STARD8: variants seen among roughly 807,000 people sequenced by gnomAD.
The protein encoded by STARD8 is stAR-related lipid transfer protein 8.
STARD8 carries 25 observed loss-of-function variants against 69.4 expected under a neutral mutation model. That is an observed-to-expected ratio of 0.36 (90% CI 0.26 to 0.50). STARD8 has a LOEUF of 0.50. Among genes scored for constraint, STARD8 ranks in the 20% least tolerant of loss-of-function variants. The pLI is 0.96. For synonymous variants in STARD8, 389 were observed against 374.6 expected (o/e 1.04, Z -0.45); for missense variants, 921 against 932.5 (o/e 0.99, Z 0.16).
rs150759274 is a variant in STARD8 at position 68,691,058 on chromosome X, C to T, written c.80-21856C>T. On this transcript the variant is annotated intron_variant, in intron 2 of 14. Coordinates refer to ENST00000374599, the MANE Select transcript of STARD8 (RefSeq NM_001142503.3). ...ATTATACTCCCTCTTGTGGGGCTTA[C>T]GTGGTCTGTGGGCATGGTAGAATGA... is the stretch of plus-strand genomic sequence containing the variant. 6.3e-3 allele frequency among the ~76,000 whole-genome samples: 703 copies of T among 111,592 alleles called. 4 individuals are homozygous for T. Among genetic ancestry groups the T allele is most frequent in the African/African-American group, 0.022 (678 of 30,631 alleles).
At position 68,693,678 on chromosome X, in the gene STARD8, C is replaced by T. The variant is rs1249730063; in HGVS notation, c.80-19236C>T. ...CGGGTTGACAACGGCTAAGCAGCCG[C>T]GGCAGCTGCTCTTCTGGCTGGCACC... On this transcript the variant is annotated intron_variant, in intron 2 of 14. Transcript: ENST00000374599. The T allele has an allele frequency of 1.1e-5, 8 of 753,756 alleles. No homozygotes were observed. In the Admixed American group the frequency reaches 4.3e-4, roughly 41 times the overall value. 62.1% of individuals were successfully genotyped at this position (753,756 alleles called of 1,213,427 possible).
chrX:68,687,886 G>A (rs2079845019), intron 2 of STARD8, among the ~76,000 whole-genome samples: 2 of 112,342 alleles, frequency 1.8e-5, no homozygotes, highest in African/African-American at 3.2e-5. Flanking sequence ...TGGGATGGGC[G>A]TTCTCTGTCA....
chrX:68,653,529 C>T (rs2147870759), intron 1 of STARD8, among the ~76,000 whole-genome samples: 2 of 58,538 alleles, frequency 3.4e-5, no homozygotes, highest in Non-Finnish European at 6.6e-5. Flanking sequence ...ACACCACACA[C>T]ACCACAGCAC....
At chrX:68,672,829 A>G (rs1052373191) in intron 2 of STARD8, among the ~76,000 whole-genome samples, 21 of 111,217 alleles carry the variant, frequency 1.9e-4, no homozygotes, top group Non-Finnish European at 3.4e-4. Flanking sequence ...AAACAGGAAG[A>G]GTTAGTTTGG....
chrX:68,720,339 C>T lies in STARD8; in HGVS notation c.1965C>T (p.Leu655=). The T allele has an allele frequency of 8.3e-7, 1 of 1,205,949 alleles. No homozygotes were observed. The highest frequency in any genetic ancestry group is 1.8e-5 in the South Asian group (1 of 55,781). The change falls in exon 8 of 15, where the codon CTC becomes CTT. Residue 655 remains leucine, a synonymous_variant. Coordinates refer to ENST00000374599, the MANE Select transcript of STARD8 (RefSeq NM_001142503.3). ...AGCACGTATTTGGGGTGCCACCCCT[C>T]ATCCACGTGCAGCGCACGGGCCAGC... The part of the protein sequence containing the change: ...RGQHVFGVPP[L]IHVQRTGQPL...
At chrX:68,647,955 C>T in intron 1 of STARD8, 28 bp downstream of exon 1, 3 of 1,190,271 alleles carry the variant, frequency 2.5e-6, no homozygotes, top group Non-Finnish European at 2.3e-6. Flanking sequence ...CCCAGCCCAT[C>T]CCGCTGCTCA....
rs2079716750 is a variant in STARD8, at chrX:68,669,741, A to G, written c.79+4209A>G. On this transcript the variant is annotated intron_variant, in intron 2 of 14. Transcript: ENST00000374599. ...ATCAGACTCATCCATCAGCTGCCCC[A>G]GACCCCTCCCCCAAGCTCTGAGGGG... 2.7e-5 allele frequency among the ~76,000 whole-genome samples: 3 copies of G among 112,338 alleles called. No individual in the cohort carries two copies. In the South Asian group the frequency reaches 1.1e-3, roughly 41 times the overall value.
Position 68,722,580 on chromosome X carries a change from T to C in STARD8, c.2733T>C (p.Ala911=). ...ATATCCAGGACCTGCTGCGTGATGC[T>C]GCTGAGCGCTTCAAGGGCTGGATGA... ...EENIQDLLRD[A]AERFKGWMSV... is the part of the protein sequence containing the mutation. The change falls in exon 12 of 15, where the codon GCT becomes GCC. Residue 911 remains alanine (A), a synonymous_variant. Coordinates refer to ENST00000374599, the MANE Select transcript of STARD8 (RefSeq NM_001142503.3). 8.3e-7 allele frequency: 1 copy of C among 1,212,055 alleles called. No homozygotes were observed.
chrX:68,724,059 C>T lies in STARD8; in HGVS notation c.3132C>T (p.Tyr1044=). ...GVRALMLTSQ[Y]LMEPCGLGRS... ...GAGCCCTCATGCTCACATCCCAGTA[C>T]CTCATGGAGCCTTGCGGCTTGGGCC... Residue 1044 remains tyrosine, a synonymous_variant, in exon 14 of 15, where the codon TAC becomes TAT. Coordinates refer to ENST00000374599, the MANE Select transcript of STARD8 (RefSeq NM_001142503.3). 8.3e-7 allele frequency: 1 copy of T among 1,212,064 alleles called. No homozygotes were observed.
chrX:68,692,228 G>A (rs1452241790), intron 2 of STARD8, among the ~76,000 whole-genome samples: 1 of 111,878 alleles, frequency 8.9e-6, no homozygotes, highest in African/African-American at 3.3e-5. Context: ...AGACCCACAG[G>A]GACTTGGCGC....
chrX:68,664,450 G>A (rs938625959), intron 1 of STARD8, among the ~76,000 whole-genome samples: 1 of 112,017 alleles, frequency 8.9e-6, no homozygotes, highest in African/African-American at 3.2e-5. Flanking sequence ...GCTGCCTACT[G>A]TAATTTGAAT....
At chrX:68,669,693 C>T (rs2079716393) in intron 2 of STARD8, among the ~76,000 whole-genome samples, 1 of 112,456 alleles carries the variant, frequency 8.9e-6, no homozygotes, top group African/African-American at 3.2e-5. Flanking sequence ...TGGCTCCAGT[C>T]TGGCTGCAGG....
At chrX:68,685,275 CAGAG>C (rs941884053) in intron 2 of STARD8, among the ~76,000 whole-genome samples, 1 of 111,772 alleles carries the variant, frequency 8.9e-6, no homozygotes, top group African/African-American at 3.3e-5. Context: ...AACTGAGTCT[CAGAG>C]AGGAGAAATC....
intron 7 of STARD8, 149 bp downstream of exon 7, chrX:68,719,547 T>G: frequency 1.6e-6 from 1 of 620,328 alleles, no homozygotes; most frequent in Non-Finnish European, 2.3e-6. Flanking sequence ...AGGGGCTTGG[T>G]GAGGCTGGGT....
chrX:68,722,027 C>G lies in STARD8; in HGVS notation c.2460-20C>G, dbSNP rs369123820. The G allele has an allele frequency of 1.8e-5, 21 of 1,165,255 alleles. No homozygotes were observed. The highest frequency in any genetic ancestry group is 2.4e-5 in the Non-Finnish European group (21 of 860,991). Reference sequence around the variant, plus strand: ...TGCTCTTGTGCCATCTCTCCTCTCACCACCTCCTGCTCCATCTAGGATCAA... The same window carrying G: ...TGCTCTTGTGCCATCTCTCCTCTCAGCACCTCCTGCTCCATCTAGGATCAA... On this transcript the variant is annotated intron_variant, in intron 10 of 14. Transcript: ENST00000374599.
chrX:68,713,958 T>A (rs771896726), intron 3 of STARD8, among the ~76,000 whole-genome samples: 5 of 111,780 alleles, frequency 4.5e-5, no homozygotes, highest in Non-Finnish European at 9.4e-5. Context: ...CCAGGAGTCA[T>A]CCTTAATTTA....
intron 2 of STARD8, among the ~76,000 whole-genome samples, chrX:68,705,173 T>C (rs1366299450): frequency 8.9e-6 from 1 of 112,440 alleles, no homozygotes; most frequent in Non-Finnish European, 1.9e-5. Flanking sequence ...AGAAAACTAA[T>C]GGAGCAACTG....
At position 68,717,317 on chromosome X, in the gene STARD8, C is replaced by T. The variant is rs758347881; in HGVS notation, c.403C>T (p.Pro135Ser). 1 of 1,206,651 alleles carries T rather than the reference C, an allele frequency of 8.3e-7. No homozygotes were observed. The highest frequency in any genetic ancestry group is 2.2e-5 in the Admixed American group (1 of 45,556). Residue 135 changes from proline (P) to serine (S), a missense_variant, in exon 6 of 15, where the codon CCA becomes TCA. Pro to Ser is a moderately conservative substitution (Grantham distance 74). Coordinates refer to ENST00000374599, the MANE Select transcript of STARD8 (RefSeq NM_001142503.3). ...TATGGGGTCCTCTGATCTGTTGGCC[C>T]CACCGAGCCCTGGCCTGCCAGCGAC... is the stretch of plus-strand genomic sequence containing the variant. The part of the protein sequence containing the change: ...SPMGSSDLLA[P>S]PSPGLPATSS...
At chrX:68,709,344 G>A (rs6418409) in intron 2 of STARD8, among the ~76,000 whole-genome samples, 11,608 of 112,059 alleles carry the variant, frequency 0.1, 1,412 homozygotes, top group African/African-American at 0.35. Flanking sequence ...GCCATTGTCC[G>A]GACCCACAGG....
Sources: gnomAD v4.1 joint callset for allele counts (sites outside exome capture counted in the v4.1 genomes callset) on GRCh38, gnomAD v4.1.1 for gene constraint, MANE v1.5 for transcripts, NCBI Gene and HGNC (gene_info 2026-07-23, HGNC 2026-07-21) for gene names.